Variants in GPHB5 observed in about 807,000 individuals in gnomAD.
GPHB5 encodes the protein glycoprotein hormone subunit beta 5.
GPHB5 carries 7 observed loss-of-function variants against 10.1 expected under a neutral mutation model. The observed-to-expected ratio is 0.69, with a 90% confidence interval of 0.39 to 1.30. The LOEUF (loss-of-function observed/expected upper bound fraction) is 1.30. Among genes scored for constraint, GPHB5 ranks in the 50% most tolerant of loss-of-function variants. The probability of loss-of-function intolerance (pLI) is 0.01; values close to 1 mark genes in which losing one functional copy is unlikely to be tolerated. For missense variants in GPHB5, 161 were observed against 169.8 expected, an observed-to-expected ratio of 0.95 and a Z score of 0.29; for synonymous variants, 68 against 70.1, an observed-to-expected ratio of 0.97 and a Z score of 0.15.
At position 63,312,892 on chromosome 14, in the gene GPHB5, T is replaced by C; in HGVS notation, c.*36A>G. Reference sequence around the variant, plus strand: ...CAGGAAGTATAACTGCATGTGCTGCTCACACAGGTGGGTCTGCAGAGAGCA... The same window carrying C: ...CAGGAAGTATAACTGCATGTGCTGCCCACACAGGTGGGTCTGCAGAGAGCA... On this transcript the variant is annotated 3_prime_UTR_variant, in exon 3 of 3. Coordinates refer to ENST00000621500, the MANE Select transcript of GPHB5 (RefSeq NM_145171.4). 6.5e-7 allele frequency: 1 copy of C among 1,533,996 alleles called. No individual in the cohort carries two copies. The highest frequency in any genetic ancestry group is 2.5e-5 in the East Asian group (1 of 40,724).
Position 63,312,972 on chromosome 14 carries a change from A to C in GPHB5, c.349T>G (p.Cys117Gly). Residue 117 changes from cysteine to glycine, a missense_variant, in exon 3 of 3, where the codon TGC becomes GGC. Transcript: ENST00000621500. The part of the protein sequence containing the change: ...YTYPVAIRCD[C>G]GACSTATTEC... ...GTGGTGGCAGTGGAGCAGGCTCCGC[A>C]GTCACAGCGGATGGCCACGGGATAG... 1 of 1,558,708 alleles carries C rather than the reference A, an allele frequency of 6.4e-7. No homozygotes were observed. Among genetic ancestry groups the C allele is most frequent in the Non-Finnish European group, 8.7e-7 (1 of 1,150,948 alleles).
At chr14:63,316,871 G>T (rs1226316344) in intron 2 of GPHB5, among the ~76,000 whole-genome samples, 1 of 152,126 alleles carries the variant, frequency 6.6e-6, no homozygotes, top group East Asian at 1.9e-4. Context: ...GCACTTCATT[G>T]GTTACCAAGT....
At position 63,312,986 on chromosome 14, in the gene GPHB5, G is replaced by A. The variant is rs746805619; in HGVS notation, c.335C>T (p.Ala112Val). The A allele has an allele frequency of 6.4e-7, 1 of 1,565,766 alleles. No individual in the cohort carries two copies. The highest frequency in any genetic ancestry group is 8.7e-7 in the Non-Finnish European group (1 of 1,154,904). The change falls in exon 3 of 3, where the codon GCC (alanine) becomes GTC (valine). Residue 112 changes from alanine to valine, a missense_variant. Physicochemically the swap from Ala to Val is moderately conservative, Grantham distance 64. Coordinates refer to ENST00000621500, the MANE Select transcript of GPHB5 (RefSeq NM_145171.4). ...GCAGGCTCCGCAGTCACAGCGGATG[G>A]CCACGGGATAGGTGTAGAAGGGGTC... ...GVDPFYTYPVAIRCDCGACST... is the reference protein window; with the variant it reads ...GVDPFYTYPVVIRCDCGACST...
intron 2 of GPHB5, among the ~76,000 whole-genome samples, chr14:63,314,905 C>CTTTTTTTTTTT (rs71120257): frequency 1.3e-5 from 1 of 75,350 alleles, no homozygotes; most frequent in African/African-American, 5.9e-5. Context: ...TTTCTTTTTT[C>CTTTTTTTTTTT]TTTTTTTTTT....
intron 1 of GPHB5, among the ~76,000 whole-genome samples, chr14:63,318,598 T>C (rs1882812594): frequency 6.6e-6 from 1 of 152,202 alleles, no homozygotes; most frequent in Admixed American, 6.5e-5. Context: ...CTCTGGGTCT[T>C]GGTCATTCCC....
At position 63,317,826 on chromosome 14, in the gene GPHB5, A is replaced by C; in HGVS notation, c.24T>G (p.Leu8=). 1 of 1,614,068 alleles carries C rather than the reference A, an allele frequency of 6.2e-7. No individual in the cohort carries two copies. The highest frequency in any genetic ancestry group is 8.5e-7 in the Non-Finnish European group (1 of 1,179,898). ...CCAGAAGGAGGAGGGCCATGGGGCC[A>C]AGGAAGAGGAATGCCAGCTTCATGC... is the stretch of plus-strand genomic sequence containing the variant. The part of the protein sequence containing the change: MKLAFLF[L]GPMALLLLAG... Residue 8 remains leucine (L), a synonymous_variant, in exon 2 of 3, where the codon CTT becomes CTG. Coordinates refer to ENST00000621500, the MANE Select transcript of GPHB5 (RefSeq NM_145171.4).
intron 2 of GPHB5, among the ~76,000 whole-genome samples, chr14:63,314,182 G>GA (rs1394357694): frequency 2.6e-5 from 4 of 152,162 alleles, no homozygotes; most frequent in African/African-American, 4.8e-5. Flanking sequence ...ACACAGATCA[G>GA]AAAAAATATC....
At chr14:63,314,065 A>G (rs1037465793) in intron 2 of GPHB5, among the ~76,000 whole-genome samples, 1 of 152,214 alleles carries the variant, frequency 6.6e-6, no homozygotes, top group Non-Finnish European at 1.5e-5. Context: ...ACATTACAAG[A>G]CAGGTTCCCG....
chr14:63,318,156 T>C (rs1442027311), intron 1 of GPHB5, among the ~76,000 whole-genome samples: 1 of 152,230 alleles, frequency 6.6e-6, no homozygotes, highest in Non-Finnish European at 1.5e-5. Context: ...CCCAGTGGTC[T>C]TTCCAAAATA....
intron 2 of GPHB5, among the ~76,000 whole-genome samples, chr14:63,314,887 CT>C (rs1182914202): frequency 6.3e-5 from 9 of 143,528 alleles, no homozygotes; most frequent in South Asian, 2.2e-4. Flanking sequence ...GCAGCCTTAC[CT>C]TTTTTTTTTC....
Position 63,317,756 on chromosome 14 carries a change from T to C in GPHB5, c.94A>G (p.Thr32Ala). Residue 32 changes from threonine to alanine, a missense_variant, in exon 2 of 3, where the codon ACC (threonine) becomes GCC (alanine). Coordinates refer to ENST00000621500, the MANE Select transcript of GPHB5 (RefSeq NM_145171.4). ...VLGASSGNLR[T>A]FVGCAVREFT... is the part of the protein sequence containing the mutation. ...TCCCTCACGGCACAGCCCACAAAGG[T>C]GCGCAGGTTCCCACTGGAGGCACCG... 6.2e-7 allele frequency: 1 copy of C among 1,613,884 alleles called. No individual in the cohort carries two copies. The highest frequency in any genetic ancestry group is 8.5e-7 in the Non-Finnish European group (1 of 1,179,864).
At chr14:63,314,306 CA>C (rs5809193) in intron 2 of GPHB5, among the ~76,000 whole-genome samples, 41,521 of 151,792 alleles carry the variant, frequency 0.27, 6,162 homozygotes, top group African/African-American at 0.4. Context: ...CCTGAAGACT[CA>C]AGTTTCCTCC....
intron 2 of GPHB5, among the ~76,000 whole-genome samples, chr14:63,317,200 G>A (rs1037298199): frequency 6.6e-6 from 1 of 152,116 alleles, no homozygotes; most frequent in Non-Finnish European, 1.5e-5. Context: ...TCAGCTCAGG[G>A]CCTCTTTCTT....
intron 2 of GPHB5, among the ~76,000 whole-genome samples, chr14:63,314,544 C>CTGAGTAG (rs1449958507): frequency 2.2e-5 from 3 of 138,350 alleles, no homozygotes; most frequent in African/African-American, 8.8e-5. Flanking sequence ...CCTCAGCCTC[C>CTGAGTAG]CGGGACTACA....
At chr14:63,315,569 T>C (rs149951760) in intron 2 of GPHB5, among the ~76,000 whole-genome samples, 94 of 152,324 alleles carry the variant, frequency 6.2e-4, no homozygotes, top group African/African-American at 2.2e-3. Flanking sequence ...GGCAACTCTA[T>C]ACCCAGATTA....
At chr14:63,314,491 G>A (rs1412061250) in intron 2 of GPHB5, among the ~76,000 whole-genome samples, 1 of 150,060 alleles carries the variant, frequency 6.7e-6, no homozygotes, top group Non-Finnish European at 1.5e-5. Context: ...CGCAATCTCA[G>A]CTCATTGCAA....
At chr14:63,314,585 T>A (rs573324147) in intron 2 of GPHB5, among the ~76,000 whole-genome samples, 1 of 152,122 alleles carries the variant, frequency 6.6e-6, no homozygotes, top group East Asian at 1.9e-4. Flanking sequence ...GCTCATTTTT[T>A]GTATTTTTAG....
chr14:63,316,789 T>G (rs1321910036), intron 2 of GPHB5, among the ~76,000 whole-genome samples: 1 of 152,116 alleles, frequency 6.6e-6, no homozygotes, highest in Non-Finnish European at 1.5e-5. Flanking sequence ...ACCTTGAAAG[T>G]TAGTTATTGA....
intron 2 of GPHB5, among the ~76,000 whole-genome samples, chr14:63,315,702 T>C (rs1312085025): frequency 1.3e-5 from 2 of 152,236 alleles, no homozygotes; most frequent in African/African-American, 2.4e-5. Context: ...AAGTGCTTTA[T>C]AGCGCAGAAA....
Sources: allele counts gnomAD v4.1 joint callset (sites outside exome capture counted in the v4.1 genomes callset), GRCh38; gene constraint gnomAD v4.1.1; transcripts MANE v1.5; gene names NCBI Gene and HGNC (gene_info 2026-07-23, HGNC 2026-07-21).